Variants in SEL1L3 observed in about 807,000 individuals in gnomAD.
SEL1L3 encodes the protein SEL1L family member 3, also known as protein sel-1 homolog 3.
In SEL1L3, 76 loss-of-function variants were observed where a neutral mutation model predicts 142.8. That is an observed-to-expected ratio of 0.53 (90% CI 0.44 to 0.64). The LOEUF (loss-of-function observed/expected upper bound fraction) is 0.64. SEL1L3 is among the 30% of genes least tolerant of loss of function. The pLI is 0.00. For synonymous variants in SEL1L3, 504 were observed against 519.6 expected (o/e 0.97, Z 0.41); for missense variants, 1,262 against 1,381.7 (o/e 0.91, Z 1.37).
chr4:25,726,226 G>GT, the SEL1L3 span, among the ~76,000 whole-genome samples: 2 of 88,062 alleles, frequency 2.3e-5, no homozygotes, highest in African/African-American at 3.5e-5. Flanking sequence ...CCCATCTTGG[G>GT]TTAAAAAAAA....
the SEL1L3 span, chr4:25,718,441 C>T: frequency 6.6e-6 from 1 of 152,092 alleles, no homozygotes; most frequent in East Asian, 1.9e-4. Flanking sequence ...TCTATGGACT[C>T]GCTCATAGTT....
At chr4:25,764,325 A>G (rs907283606) in intron 20 of SEL1L3, among the ~76,000 whole-genome samples, 2 of 152,244 alleles carry the variant, frequency 1.3e-5, no homozygotes, top group African/African-American at 4.8e-5. Context: ...GAAGAAGGAT[A>G]TTAGTGGAAA....
intron 2 of SEL1L3, among the ~76,000 whole-genome samples, chr4:25,840,501 G>A (rs1411707741): frequency 6.6e-6 from 1 of 152,104 alleles, no homozygotes; most frequent in Non-Finnish European, 1.5e-5. Context: ...CAGTCCATTG[G>A]ATCTGAAGAT....
intron 6 of SEL1L3, 55 bp downstream of exon 6, chr4:25,830,043 G>A: frequency 8.9e-7 from 1 of 1,122,588 alleles, no homozygotes; most frequent in South Asian, 1.3e-5. Context: ...AAAGTATGAA[G>A]ATTCCTTAAC....
chr4:25,731,482 T>C, the SEL1L3 span, among the ~76,000 whole-genome samples: 5 of 152,160 alleles, frequency 3.3e-5, no homozygotes, highest in African/African-American at 7.2e-5. Flanking sequence ...TTGAAAAGCA[T>C]CCTTCCCTCC....
chr4:25,813,983 C>A (rs1381559867), intron 9 of SEL1L3, among the ~76,000 whole-genome samples: 1 of 152,134 alleles, frequency 6.6e-6, no homozygotes, highest in Non-Finnish European at 1.5e-5. Context: ...GCAGATGATC[C>A]ACCTAAAATC....
the SEL1L3 span, among the ~76,000 whole-genome samples, chr4:25,741,303 T>C: frequency 6.6e-6 from 1 of 151,034 alleles, no homozygotes; most frequent in Non-Finnish European, 1.5e-5. Context: ...GGAGTTTTAC[T>C]ATCCCTAGGC....
rs58435041 is a variant in SEL1L3 at position 25,788,569 on chromosome 4, C to CGTGT, written c.2077-209_2077-206dup. On this transcript the variant is annotated intron_variant, in intron 12 of 23. Transcript: ENST00000399878. This position sits in a 1 kb window ranked among gnomAD's most constrained non-coding sequence, Gnocchi z 5.3. ...CCCTTAATGCAAGCCAGAAATGGTT[C>CGTGT]GTGTGTGTGTGTGTGTGTGTGTGTG... 4.6e-3 allele frequency among the ~76,000 whole-genome samples: 647 copies of CGTGT among 140,020 alleles called. 2 individuals carry two copies. The highest frequency in any genetic ancestry group is 6.0e-3 in the East Asian group (27 of 4,518). The allele number at this position is 140,020 out of a possible 152,430, so 91.9% of individuals were successfully genotyped here. A position where few individuals can be genotyped will look rare whatever the true frequency, so the allele number is the denominator to read the frequency against.
chr4:25,759,653 T>C (rs879530363), intron 20 of SEL1L3: 2 of 154,070 alleles, frequency 1.3e-5, no homozygotes, highest in African/African-American at 4.8e-5. Context: ...TCTGACACCT[T>C]GTTCTTGATC....
At chr4:25,738,090 C>G in the SEL1L3 span, among the ~76,000 whole-genome samples, 11 of 152,158 alleles carry the variant, frequency 7.2e-5, no homozygotes, top group African/African-American at 2.6e-4. Flanking sequence ...AGTTTCACCA[C>G]GTTGGCCAGG....
At chr4:25,832,406 C>T (rs757866124) in intron 5 of SEL1L3, among the ~76,000 whole-genome samples, 1 of 152,152 alleles carries the variant, frequency 6.6e-6, no homozygotes, top group Non-Finnish European at 1.5e-5. Context: ...AACAGATTTG[C>T]CATAATCCAT....
intron 19 of SEL1L3, among the ~76,000 whole-genome samples, chr4:25,766,105 T>C (rs1423314778): frequency 6.6e-6 from 1 of 152,200 alleles, no homozygotes. Flanking sequence ...GCTTTAGCCA[T>C]GTATTTTATT....
chr4:25,761,710 T>C (rs2109128413), intron 20 of SEL1L3, among the ~76,000 whole-genome samples: 1 of 152,316 alleles, frequency 6.6e-6, no homozygotes, highest in East Asian at 1.9e-4. Context: ...CAAGCTAGTA[T>C]ATGTAAAAGT....
intron 6 of SEL1L3, among the ~76,000 whole-genome samples, chr4:25,827,553 T>G (rs969573131): frequency 1.3e-5 from 2 of 152,132 alleles, no homozygotes. Context: ...GATAATACAT[T>G]TTTGTGTTTA....
intron 9 of SEL1L3, among the ~76,000 whole-genome samples, chr4:25,815,690 C>G (rs1714345413): frequency 6.6e-6 from 1 of 151,972 alleles, no homozygotes. Context: ...GGTCTTGGGG[C>G]ATGGGGCTTC....
Position 25,847,630 on chromosome 4 carries a change from T to C in SEL1L3, c.397A>G (p.Lys133Glu). 1.2e-6 allele frequency: 2 copies of C among 1,614,022 alleles called. No individual in the cohort carries two copies. The highest frequency in any genetic ancestry group is 1.7e-6 in the Non-Finnish European group (2 of 1,179,878). ...CTGGTGTGAAGATGTTTCTCATTCT[T>C]CCACCTTTTTTTGTACACGGGAATG... ...SSIPVYKKRW[K>E]NEKHLHTSRT... Residue 133 changes from lysine (K) to glutamate (E), a missense_variant, in exon 2 of 24, where the codon AAG (lysine) becomes GAG (glutamate). By Grantham distance (56) the Lys-to-Glu change is moderately conservative. Around this residue, in one of 3 missense-constraint regions of SEL1L3, gnomAD observed 689 missense variants for 692.8 expected, o/e 0.99. Coordinates refer to ENST00000399878, the MANE Select transcript of SEL1L3 (RefSeq NM_015187.5).
At chr4:25,763,863 C>A in intron 20 of SEL1L3, among the ~76,000 whole-genome samples, 1 of 151,944 alleles carries the variant, frequency 6.6e-6, no homozygotes, top group Non-Finnish European at 1.5e-5. Flanking sequence ...ACAGCAACAA[C>A]AAAAAAATCC....
At chr4:25,762,116 T>C (rs529748223) in intron 20 of SEL1L3, among the ~76,000 whole-genome samples, 32 of 152,294 alleles carry the variant, frequency 2.1e-4, no homozygotes, top group Non-Finnish European at 4.1e-4. Context: ...GCCCAGCTAA[T>C]TTTTGTATTT....
intron 20 of SEL1L3, among the ~76,000 whole-genome samples, chr4:25,761,236 T>A (rs2109127468): frequency 6.6e-6 from 1 of 151,450 alleles, no homozygotes. Context: ...GCTCAGTGCA[T>A]CGTCCGCCTC....
Sources: allele counts gnomAD v4.1 joint callset (sites outside exome capture counted in the v4.1 genomes callset), GRCh38; gene constraint gnomAD v4.1.1; regional missense constraint gnomAD v4.1.1; non-coding constraint Gnocchi (gnomAD v3.1); transcripts MANE v1.5; gene names NCBI Gene and HGNC (gene_info 2026-07-23, HGNC 2026-07-21).